The following OSBPL10 variants were observed in gnomAD, a reference collection of about 807,000 sequenced individuals.
OSBPL10 encodes the protein oxysterol binding protein like 10, also known as oxysterol-binding protein-related protein 10.
A neutral mutation model predicts 81.7 loss-of-function variants in OSBPL10; 49 were observed. The observed-to-expected ratio is 0.60, with a 90% CI of 0.48 to 0.76. OSBPL10 has a LOEUF of 0.76. OSBPL10 is among the 30% of genes least tolerant of loss of function. OSBPL10 has a pLI of 0.00. For synonymous variants in OSBPL10, 419 were observed against 383.6 expected (o/e 1.09, Z -1.08); for missense variants, 923 against 987.8 (o/e 0.93, Z 0.88).
upstream of OSBPL10, among the ~76,000 whole-genome samples, chr3:31,982,706 G>C (rs1698874933): frequency 6.6e-6 from 1 of 151,902 alleles, no homozygotes; most frequent in Non-Finnish European, 1.5e-5. Context: ...GCCATTCAGA[G>C]CTGAATTCTA....
chr3:32,011,961 A>G (rs1276389571), intron 2 of OSBPL10, among the ~76,000 whole-genome samples: 2 of 152,356 alleles, frequency 1.3e-5, no homozygotes, highest in African/African-American at 4.8e-5. Context: ...CCGAATCTAC[A>G]TCTGATTGGT....
At chr3:31,887,873 A>T (rs1469231990) in intron 1 of OSBPL10, among the ~76,000 whole-genome samples, 4 of 152,132 alleles carry the variant, frequency 2.6e-5, no homozygotes, top group African/African-American at 9.7e-5. Flanking sequence ...GTCTTCTTAC[A>T]TCTCTCAGCT....
At chr3:32,047,936 A>G (rs974045095) in intron 1 of OSBPL10, among the ~76,000 whole-genome samples, 10 of 152,084 alleles carry the variant, frequency 6.6e-5, no homozygotes, top group African/African-American at 2.4e-4. Context: ...AAGTGCTGGG[A>G]TTACAGGCAT....
chr3:31,812,729 A>T, intron 4 of OSBPL10, among the ~76,000 whole-genome samples: 2 of 17,920 alleles, frequency 1.1e-4, no homozygotes, highest in African/African-American at 6.2e-4. Flanking sequence ...AAAGAAAGAA[A>T]GAAAGAAAGA....
intron 2 of OSBPL10, among the ~76,000 whole-genome samples, chr3:32,015,661 G>T (rs1699305568): frequency 6.6e-6 from 1 of 152,118 alleles, no homozygotes; most frequent in South Asian, 2.1e-4. Context: ...GAGTGAACAG[G>T]CAACCTACAG....
At chr3:32,074,484 G>A (rs577517030) in intron 1 of OSBPL10, among the ~76,000 whole-genome samples, 2 of 152,126 alleles carry the variant, frequency 1.3e-5, no homozygotes, top group East Asian at 3.9e-4. Flanking sequence ...CCAACTTCAC[G>A]TTACTGATAA....
At chr3:31,842,046 G>C (rs1700510886) in intron 3 of OSBPL10, among the ~76,000 whole-genome samples, 1 of 152,166 alleles carries the variant, frequency 6.6e-6, no homozygotes, top group Admixed American at 6.5e-5. Flanking sequence ...GAAATTACAG[G>C]TAATACATAA....
chr3:31,822,556 G>A (rs1288275292), intron 4 of OSBPL10, among the ~76,000 whole-genome samples: 1 of 152,028 alleles, frequency 6.6e-6, no homozygotes, highest in African/African-American at 2.4e-5. Flanking sequence ...TGTACCAATT[G>A]AACTTGTGTC....
rs201594298 is a variant in OSBPL10 at position 32,028,926 on chromosome 3, G to GAACACACACACA, written n.298+17564_298+17565insTGTGTGTGTGTT. On this transcript the variant is annotated intron_variant and non_coding_transcript_variant, in intron 2 of 3. Transcript: ENST00000479173. The stretch of plus-strand genomic sequence containing the variant: ...TATTGTTACAGTAGGTAGCTAGTCA[G>GAACACACACACA]GACACACACACACACACACACACAC... Among the ~76,000 whole-genome samples the GAACACACACACA allele has an allele frequency of 3.1e-3, 207 of 67,270 alleles. 27 individuals carry two copies. Among genetic ancestry groups the GAACACACACACA allele is most frequent in the Middle Eastern group, 9.1e-3 (1 of 110 alleles). The allele number at this position is 67,270 out of a possible 152,430, so 44.1% of individuals were successfully genotyped here. A position where few individuals can be genotyped will look rare whatever the true frequency, so the allele number is the denominator to read the frequency against.
chr3:31,672,443 G>C (rs1484071598), intron 8 of OSBPL10, among the ~76,000 whole-genome samples: 4 of 149,148 alleles, frequency 2.7e-5, no homozygotes, highest in Admixed American at 1.3e-4. Flanking sequence ...AGAAGGAAGG[G>C]GGGTGGGAGT....
chr3:31,895,133 CCTTT>C (rs1696014327), intron 1 of OSBPL10, among the ~76,000 whole-genome samples: 1 of 117,856 alleles, frequency 8.5e-6, no homozygotes, highest in Non-Finnish European at 1.7e-5. Flanking sequence ...TTCTCTGCGG[CCTTT>C]TTTTTTTTTT....
chr3:31,692,579 G>T (rs1235258398), intron 7 of OSBPL10, among the ~76,000 whole-genome samples: 1 of 152,024 alleles, frequency 6.6e-6, no homozygotes, highest in Non-Finnish European at 1.5e-5. Flanking sequence ...CCTGCTCAGA[G>T]AAAAAGGAGA....
intron 4 of OSBPL10, among the ~76,000 whole-genome samples, chr3:31,793,587 A>C (rs747256228): frequency 1.3e-5 from 2 of 152,196 alleles, no homozygotes; most frequent in African/African-American, 2.4e-5. Context: ...TTGAAACAAG[A>C]TGAGCTCAAC....
chr3:32,037,922 T>C (rs761217259), intron 2 of OSBPL10, among the ~76,000 whole-genome samples: 10 of 152,202 alleles, frequency 6.6e-5, no homozygotes, highest in Non-Finnish European at 1.3e-4. Flanking sequence ...AAAGGGAGCA[T>C]TGTCCTGAGA....
intron 4 of OSBPL10, among the ~76,000 whole-genome samples, chr3:31,827,940 A>T (rs573736025): frequency 9.8e-5 from 15 of 152,308 alleles, no homozygotes; most frequent in African/African-American, 3.4e-4. Context: ...AAACGCTACT[A>T]ATTAATCATG....
intron 5 of OSBPL10, among the ~76,000 whole-genome samples, chr3:31,734,492 C>G (rs781635751): frequency 3.9e-5 from 6 of 152,080 alleles, no homozygotes; most frequent in Non-Finnish European, 8.8e-5. Context: ...AATCCCAGCA[C>G]TTTGGGAGGC....
intron 6 of OSBPL10, among the ~76,000 whole-genome samples, chr3:31,725,293 A>G (rs771268012): frequency 2.6e-5 from 4 of 152,232 alleles, no homozygotes; most frequent in Non-Finnish European, 5.9e-5. Flanking sequence ...ATTTTTAAGC[A>G]TAACAACATT....
intron 6 of OSBPL10, among the ~76,000 whole-genome samples, chr3:31,715,662 A>G (rs1696407902): frequency 6.6e-6 from 1 of 152,234 alleles, no homozygotes; most frequent in Non-Finnish European, 1.5e-5. Context: ...TGGGGTGGCC[A>G]ATAGTAATAA....
Position 31,976,645 on chromosome 3 carries a change from C to T in OSBPL10, c.281+4254G>A, listed in dbSNP as rs369726676. Among the ~76,000 whole-genome samples the T allele has an allele frequency of 6.0e-4, 92 of 152,268 alleles. 1 individual carries two copies. In the Middle Eastern group the frequency reaches 0.014, roughly 23 times the overall value. On this transcript the variant is annotated intron_variant, in intron 1 of 11. Transcript: ENST00000396556. ...TTTTTATATTTTTATTTTGTGGAGA[C>T]AGGGTTTCACCATGGTTCCCACGCT...
Sources: gnomAD v4.1 joint callset for allele counts (sites outside exome capture counted in the v4.1 genomes callset) on GRCh38, gnomAD v4.1.1 for gene constraint, MANE v1.5 for transcripts, NCBI Gene and HGNC (gene_info 2026-07-23, HGNC 2026-07-21) for gene names.